Variants in COBL observed in about 807,000 individuals in gnomAD.
The protein encoded by COBL is cordon-bleu WH2 repeat protein, also known as protein cordon-bleu.
In COBL, 51 loss-of-function variants were observed where a neutral mutation model predicts 98.8. The observed-to-expected ratio is 0.52, with a 90% CI of 0.41 to 0.65. COBL has a LOEUF of 0.65. COBL is among the 30% of genes least tolerant of loss of function. The pLI is 0.00. For synonymous variants in COBL, 634 were observed against 651.7 expected, an observed-to-expected ratio of 0.97 and a Z score of 0.41; for missense variants, 1,617 against 1,617.5, an observed-to-expected ratio of 1.00 and a Z score of 0.01.
intron 5 of COBL, chr7:51,172,309 A>G (rs901635670): frequency 1.3e-5 from 4 of 297,156 alleles, no homozygotes; most frequent in African/African-American, 8.9e-5. Context: ...CTAAAAAAGA[A>G]TCAATAGGCG....
Position 51,037,066 on chromosome 7 carries a change from GTC to G in COBL, c.1407-6159_1407-6158del, listed in dbSNP as rs149495968. On this transcript the variant is annotated intron_variant, in intron 8 of 12. Transcript: ENST00000265136. Reference sequence around the variant, plus strand: ...CTTCCCCATCCATCTCTCTCTCTCTGTCTCTCTCTCTCTTATATACACATACA... The same window carrying G: ...CTTCCCCATCCATCTCTCTCTCTCTGTCTCTCTCTCTTATATACACATACA... Among the ~76,000 whole-genome samples, 845 of 151,736 alleles carry G rather than the reference GTC, an allele frequency of 5.6e-3. 8 individuals are homozygous for G. The highest frequency in any genetic ancestry group is 0.019 in the African/African-American group (800 of 41,376).
intron 1 of COBL, among the ~76,000 whole-genome samples, chr7:51,232,385 C>G (rs1345452197): frequency 1.3e-5 from 2 of 152,276 alleles, no homozygotes; most frequent in African/African-American, 2.4e-5. Flanking sequence ...CACAACCCAT[C>G]TGGCTGTGGG....
At chr7:51,220,484 G>A (rs1793528564) in intron 1 of COBL, among the ~76,000 whole-genome samples, 1 of 152,178 alleles carries the variant, frequency 6.6e-6, no homozygotes, top group Admixed American at 6.5e-5. Context: ...GTGGACAGAT[G>A]CGGCTGTTTG....
intron 7 of COBL, among the ~76,000 whole-genome samples, chr7:51,067,390 C>T (rs954776483): frequency 2.0e-5 from 3 of 152,232 alleles, no homozygotes; most frequent in African/African-American, 4.8e-5. Flanking sequence ...TTTGTACACA[C>T]TTGTGTATGT....
chr7:51,066,630 T>A (rs1018255755), intron 7 of COBL, among the ~76,000 whole-genome samples: 27 of 152,176 alleles, frequency 1.8e-4, no homozygotes, highest in African/African-American at 6.3e-4. Context: ...GATTTAAGGG[T>A]TACTCCAGGA....
intron 5 of COBL, among the ~76,000 whole-genome samples, chr7:51,163,036 C>A (rs1462382647): frequency 6.6e-6 from 1 of 152,208 alleles, no homozygotes; most frequent in Non-Finnish European, 1.5e-5. Flanking sequence ...CATTTTATCA[C>A]CGGATATACA....
chr7:51,219,775 T>G lies in COBL; in HGVS notation c.211A>C (p.Ser71Arg). The change falls in exon 2 of 13, where the codon AGT becomes CGT. Residue 71 changes from serine to arginine, a missense_variant. By Grantham distance (110) the Ser-to-Arg change is moderately radical. This residue lies in a region of COBL where 238 missense variants were observed against 215.0 expected (regional missense o/e 1.11). Transcript: ENST00000265136. ...STMDVTVVLP[S>R]GLEKRSVLNG... ...AGCACGCTCCTCTTCTCCAGCCCAC[T>G]AGGCAGGACCACGGTGACGTCCATG... 1 of 1,614,102 alleles carries G rather than the reference T, an allele frequency of 6.2e-7. No homozygotes were observed. The highest frequency in any genetic ancestry group is 8.5e-7 in the Non-Finnish European group (1 of 1,180,022).
At chr7:51,209,937 A>G (rs927404500) in intron 2 of COBL, among the ~76,000 whole-genome samples, 17 of 152,232 alleles carry the variant, frequency 1.1e-4, no homozygotes, top group Non-Finnish European at 4.4e-5. Context: ...GAGCATCTAG[A>G]GAGGTGAAAG....
At chr7:51,048,637 T>C (rs1484902102) in intron 7 of COBL, among the ~76,000 whole-genome samples, 1 of 152,162 alleles carries the variant, frequency 6.6e-6, no homozygotes, top group Non-Finnish European at 1.5e-5. Context: ...GCTTGAGTTT[T>C]TTTTTTTATT....
chr7:51,101,574 T>C (rs1274153564), intron 6 of COBL, among the ~76,000 whole-genome samples: 1 of 152,218 alleles, frequency 6.6e-6, no homozygotes, highest in Non-Finnish European at 1.5e-5. Context: ...AGCCTCAGGC[T>C]GATAGGTCAG....
chr7:51,190,737 A>G (rs1790023783), intron 4 of COBL, 113 bp downstream of exon 4: 7 of 793,542 alleles, frequency 8.8e-6, no homozygotes, highest in Non-Finnish European at 1.4e-5. Flanking sequence ...AACTTCATGT[A>G]CCCATCTCTC....
chr7:51,245,156 A>G (rs1221945788), intron 1 of COBL, among the ~76,000 whole-genome samples: 1 of 152,044 alleles, frequency 6.6e-6, no homozygotes, highest in Non-Finnish European at 1.5e-5. Context: ...GCCTCTTCCC[A>G]TGATGACCTT....
chr7:51,304,125 G>A (rs561684999), intron 1 of COBL, among the ~76,000 whole-genome samples: 8 of 152,186 alleles, frequency 5.3e-5, no homozygotes, highest in Non-Finnish European at 1.0e-4. Flanking sequence ...AGGTCAGCTT[G>A]GAAAGTGATG....
At chr7:51,030,001 T>C (rs1467861836) in intron 9 of COBL, among the ~76,000 whole-genome samples, 1 of 152,260 alleles carries the variant, frequency 6.6e-6, no homozygotes, top group Non-Finnish European at 1.5e-5. Context: ...CTTTAACTTC[T>C]TAAGGAAGCA....
intron 6 of COBL, among the ~76,000 whole-genome samples, chr7:51,131,797 T>C (rs1003616784): frequency 2.0e-5 from 3 of 152,184 alleles, no homozygotes; most frequent in African/African-American, 7.2e-5. Flanking sequence ...TTTCACCATG[T>C]TGGCTGGGCT....
In COBL at chr7:51,017,343, T is replaced by C; in HGVS notation, c.*208A>G. On this transcript the variant is annotated 3_prime_UTR_variant, in exon 13 of 13. Transcript: ENST00000265136. ...ATATTCAGAGGCAAAACACATTTCC[T>C]TGGCACACGAGCTGCGCAGCGACAC... is the stretch of plus-strand genomic sequence containing the variant. 3.3e-6 allele frequency: 2 copies of C among 609,526 alleles called. No individual in the cohort carries two copies. Among genetic ancestry groups the C allele is most frequent in the South Asian group, 2.0e-5 (1 of 49,912 alleles). The allele number at this position is 609,526 out of a possible 1,614,324, so 37.8% of individuals were successfully genotyped here. A position where few individuals can be genotyped will look rare whatever the true frequency, so the allele number is the denominator to read the frequency against.
Position 51,248,087 on chromosome 7 carries a change from C to T in COBL, c.42-28143G>A, listed in dbSNP as rs984866009. Among the ~76,000 whole-genome samples, 6 of 151,990 alleles carry T rather than the reference C, an allele frequency of 3.9e-5. No homozygotes were observed. The East Asian group carries it at 5.8e-4, about 15-fold the overall frequency. On this transcript the variant is annotated intron_variant, in intron 1 of 12. Transcript: ENST00000265136. ...CAGGGAGGGGGAGGCTGCAGTGAGC[C>T]GAGATCACGCCACTACACTCAAGCC...
chr7:51,047,296 A>G (rs1029170226), intron 7 of COBL, among the ~76,000 whole-genome samples: 1 of 152,170 alleles, frequency 6.6e-6, no homozygotes, highest in African/African-American at 2.4e-5. Flanking sequence ...AGGAATATTA[A>G]CCCTTCTATT....
intron 1 of COBL, among the ~76,000 whole-genome samples, chr7:51,270,046 G>A (rs988174057): frequency 5.3e-5 from 8 of 152,114 alleles, no homozygotes; most frequent in South Asian, 4.1e-4. Context: ...TTTCAGCTGC[G>A]GCCTATTTAT....
Sources: gnomAD v4.1 joint callset for allele counts (sites outside exome capture counted in the v4.1 genomes callset) on GRCh38, gnomAD v4.1.1 for gene constraint, gnomAD v4.1.1 regional missense constraint, MANE v1.5 for transcripts, NCBI Gene and HGNC (gene_info 2026-07-23, HGNC 2026-07-21) for gene names.